The following DHX9 variants were observed in gnomAD, a reference collection of about 807,000 sequenced individuals.
DHX9 encodes the protein DExH-box helicase 9.
Under a neutral mutation model 148.7 loss-of-function variants are expected in DHX9, and 27 were observed. The observed-to-expected ratio is 0.18, with a 90% CI of 0.13 to 0.25. DHX9 has a LOEUF of 0.25. Among genes scored for constraint, DHX9 ranks in the 10% least tolerant of loss-of-function variants. The probability of loss-of-function intolerance (pLI) is 1.00; values close to 1 mark genes in which losing one functional copy is unlikely to be tolerated. For missense variants in DHX9, 796 were observed against 1,559.6 expected, an observed-to-expected ratio of 0.51 and a Z score of 8.25; for synonymous variants, 529 against 516.6, an observed-to-expected ratio of 1.02 and a Z score of -0.33.
intron 8 of DHX9, 98 bp downstream of exon 8, chr1:182,858,338 C>A (rs1177778375): frequency 2.1e-6 from 3 of 1,409,786 alleles, no homozygotes; most frequent in African/African-American, 1.4e-5. Flanking sequence ...AAGAATCTTA[C>A]CTCAGGAAAT....
intron 12 of DHX9, among the ~76,000 whole-genome samples, chr1:182,865,725 T>A (rs1233597802): frequency 1.3e-5 from 2 of 152,200 alleles, no homozygotes; most frequent in Non-Finnish European, 2.9e-5. Flanking sequence ...CTTAAAAGCA[T>A]GCAGTATATA....
intron 27 of DHX9, among the ~76,000 whole-genome samples, chr1:182,886,103 G>A (rs1049093649): frequency 6.6e-5 from 10 of 152,068 alleles, no homozygotes; most frequent in African/African-American, 2.4e-4. Context: ...AATAGGAATT[G>A]GTGATGGACT....
chr1:182,860,254 TTTTTG>T, intron 12 of DHX9, 70 bp downstream of exon 12: 1 of 1,266,804 alleles, frequency 7.9e-7, no homozygotes, highest in Non-Finnish European at 1.1e-6. Context: ...GATTAACTAA[TTTTTG>T]TAATTATTTA....
chr1:182,858,679 TCTCCGTAG>T (rs1668298550), intron 9 of DHX9, 39 bp downstream of exon 9: 1 of 1,611,628 alleles, frequency 6.2e-7, no homozygotes, highest in Non-Finnish European at 8.5e-7. Context: ...TACGTAGAAC[TCTCCGTAG>T]ACAAGCAAAT....
intron 12 of DHX9, among the ~76,000 whole-genome samples, chr1:182,865,125 G>A (rs985362291): frequency 1.1e-4 from 16 of 152,166 alleles, no homozygotes; most frequent in Admixed American, 8.5e-4. Context: ...AAAGGGGGAC[G>A]ATAGGTTGTA....
intron 27 of DHX9, among the ~76,000 whole-genome samples, chr1:182,886,184 A>AATTT (rs144933520): frequency 0.04 from 6,024 of 149,598 alleles, 282 homozygotes; most frequent in African/African-American, 0.11. Context: ...TTTTTTTTTA[A>AATTT]ATTTATTTAT....
At chr1:182,875,186 AAAG>A (rs1302507608) in intron 16 of DHX9, 1 of 541,924 alleles carries the variant, frequency 1.8e-6, no homozygotes, top group South Asian at 1.5e-5. Flanking sequence ...ATCAAAGGAA[AAAG>A]AAGAAAGAAT....
chr1:182,869,431 C>G (rs1317156517), intron 14 of DHX9, among the ~76,000 whole-genome samples: 1 of 152,078 alleles, frequency 6.6e-6, no homozygotes, highest in Non-Finnish European at 1.5e-5. Context: ...CCGGTTTGGC[C>G]TGGTCTGGTC....
intron 27 of DHX9, among the ~76,000 whole-genome samples, chr1:182,885,378 T>C (rs1010289070): frequency 6.6e-6 from 1 of 152,234 alleles, no homozygotes; most frequent in African/African-American, 2.4e-5. Flanking sequence ...ATACAATGTA[T>C]AGCCATATAG....
chr1:182,879,267 C>A lies in DHX9; in HGVS notation c.2369C>A (p.Thr790Lys). 6.6e-7 allele frequency: 1 copy of A among 1,511,016 alleles called. No individual in the cohort carries two copies. The highest frequency in any genetic ancestry group is 1.3e-5 in the South Asian group (1 of 76,144). The allele number at this position is 1,511,016 out of a possible 1,614,324, so 93.6% of individuals were successfully genotyped here. ...ARFERLETHM[T>K]PEMFRTPLHE... ...TCTCTTAGACTTGAAACCCACATGA[C>A]ACCAGAGATGTTCCGAACACCATTG... Residue 790 changes from threonine to lysine, a missense_variant, in exon 21 of 28, where the codon ACA (threonine) becomes AAA (lysine). Physicochemically the swap from Thr to Lys is moderately conservative, Grantham distance 78. Around this residue, in one of 14 missense-constraint regions of DHX9, gnomAD observed 122 missense variants for 289.3 expected, o/e 0.42. Transcript: ENST00000367549.
chr1:182,840,520 G>C (rs1399063657), intron 1 of DHX9, among the ~76,000 whole-genome samples: 1 of 152,004 alleles, frequency 6.6e-6, no homozygotes, highest in Non-Finnish European at 1.5e-5. Flanking sequence ...GGATGGTCTC[G>C]ATCTCTCGAC....
intron 7 of DHX9, among the ~76,000 whole-genome samples, chr1:182,857,325 A>G (rs1004741587): frequency 6.6e-6 from 1 of 152,188 alleles, no homozygotes; most frequent in Non-Finnish European, 1.5e-5. Flanking sequence ...CATCTCTCCT[A>G]AGGATGAATG....
chr1:182,849,241 G>A (rs935442930), intron 3 of DHX9, among the ~76,000 whole-genome samples: 1 of 152,134 alleles, frequency 6.6e-6, no homozygotes, highest in Non-Finnish European at 1.5e-5. Flanking sequence ...TTGTAGATGT[G>A]TATAAAAGAA....
chr1:182,876,542 G>GTAAA lies in DHX9; in HGVS notation c.2124+4_2124+7dup. 1.2e-6 allele frequency: 2 copies of GTAAA among 1,609,142 alleles called. No individual in the cohort carries two copies. Among genetic ancestry groups the GTAAA allele is most frequent in the Non-Finnish European group, 1.7e-6 (2 of 1,177,210 alleles). On this transcript the variant is annotated splice_donor_variant, in intron 18 of 27. Coordinates refer to ENST00000367549, the MANE Select transcript of DHX9 (RefSeq NM_001357.5). LOFTEE classifies it high-confidence loss of function. ...TCCAGTACCAGTTGGAGTAACCAAG[G>GTAAA]TAAATATTAAACATTAGAGTGATGG...
At position 182,887,670 on chromosome 1, in the gene DHX9, G is replaced by A. The variant is rs1649398212; in HGVS notation, c.*236G>A. ...CCACAGTTTGTATTTTTTCTTTAAG[G>A]AGTAAAGATTTGCCTTTAAATAACT... On this transcript the variant is annotated 3_prime_UTR_variant, in exon 28 of 28. Coordinates refer to ENST00000367549, the MANE Select transcript of DHX9 (RefSeq NM_001357.5). The A allele has an allele frequency of 2.3e-6, 1 of 443,760 alleles. No individual in the cohort carries two copies. Among genetic ancestry groups the A allele is most frequent in the Non-Finnish European group, 4.0e-6 (1 of 248,708 alleles). 27.5% of individuals were successfully genotyped at this position (443,760 alleles called of 1,614,324 possible). A position where few individuals can be genotyped will look rare whatever the true frequency, so the allele number is the denominator to read the frequency against.
intron 4 of DHX9, 121 bp from the exon 5 acceptor site, chr1:182,853,185 G>C: frequency 1.5e-6 from 1 of 683,544 alleles, no homozygotes; most frequent in Non-Finnish European, 2.5e-6. Context: ...TCAGCGTCCG[G>C]AAGTGCTGGG....
Position 182,879,283 on chromosome 1 carries a change from A to G in DHX9, c.2385A>G (p.Arg795=). 1 of 1,532,546 alleles carries G rather than the reference A, an allele frequency of 6.5e-7. No individual in the cohort carries two copies. Among genetic ancestry groups the G allele is most frequent in the Non-Finnish European group, 8.9e-7 (1 of 1,122,342 alleles). 94.9% of individuals were successfully genotyped at this position (1,532,546 alleles called of 1,614,324 possible). ...CCCACATGACACCAGAGATGTTCCG[A>G]ACACCATTGCATGAAATTGCTCTTA... is the stretch of plus-strand genomic sequence containing the variant. ...LETHMTPEMF[R]TPLHEIALSI... is the part of the protein sequence containing the mutation. The change falls in exon 21 of 28, where the codon CGA becomes CGG. Residue 795 remains arginine, a synonymous_variant. Coordinates refer to ENST00000367549, the MANE Select transcript of DHX9 (RefSeq NM_001357.5).
chr1:182,840,786 G>C (rs988820102), intron 1 of DHX9, among the ~76,000 whole-genome samples: 2 of 152,216 alleles, frequency 1.3e-5, no homozygotes, highest in African/African-American at 4.8e-5. Context: ...ACAAGGGATA[G>C]CTATGGAGAA....
intron 25 of DHX9, 58 bp downstream of exon 25, chr1:182,883,426 G>A: frequency 6.3e-7 from 1 of 1,583,556 alleles, no homozygotes; most frequent in Non-Finnish European, 8.7e-7. Flanking sequence ...ACAATCATTA[G>A]GAACATGAAT....
Sources: allele counts gnomAD v4.1 joint callset (sites outside exome capture counted in the v4.1 genomes callset), GRCh38; gene constraint gnomAD v4.1.1; regional missense constraint gnomAD v4.1.1; transcripts MANE v1.5; gene names NCBI Gene and HGNC (gene_info 2026-07-23, HGNC 2026-07-21).